Variants in SNTG1 observed in about 807,000 individuals in gnomAD.
SNTG1 encodes the protein gamma-1-syntrophin.
SNTG1 carries 39 observed loss-of-function variants against 74.7 expected under a neutral mutation model. The observed-to-expected ratio is 0.52, with a 90% CI of 0.40 to 0.68. The LOEUF (loss-of-function observed/expected upper bound fraction) is 0.68. SNTG1 is among the 30% of genes least tolerant of loss of function. The pLI is 0.00. For synonymous variants in SNTG1, 254 were observed against 217.1 expected (o/e 1.17, Z -1.49); for missense variants, 685 against 609.5 (o/e 1.12, Z -1.30).
intron 1 of SNTG1, among the ~76,000 whole-genome samples, chr8:49,946,996 CAA>C: frequency 6.6e-6 from 1 of 152,222 alleles, no homozygotes; most frequent in African/African-American, 2.4e-5. Flanking sequence ...GAGGTATAAA[CAA>C]GAGTAAAAAG....
chr8:49,986,077 G>A (rs1187678200), intron 1 of SNTG1, among the ~76,000 whole-genome samples: 7 of 152,132 alleles, frequency 4.6e-5, no homozygotes. Context: ...TTTAGTATTA[G>A]TTCTATTATA....
chr8:50,702,615 C>T (rs1396378), intron 15 of SNTG1, among the ~76,000 whole-genome samples: 67 of 152,308 alleles, frequency 4.4e-4, no homozygotes, highest in African/African-American at 1.5e-3. Context: ...CAGTGATTAA[C>T]CCTTTGACAA....
At position 50,312,685 on chromosome 8, in the gene SNTG1, C is replaced by T. The variant is rs1345754185; in HGVS notation, c.-27-81527C>T. Among the ~76,000 whole-genome samples, 2 of 149,904 alleles carry T rather than the reference C, an allele frequency of 1.3e-5. 1 individual carries two copies. The highest frequency in any genetic ancestry group is 1.3e-4 in the Admixed American group (2 of 14,826). ...CCACCTCATACCCATTACTAAACTTCCACATGGCAAAATATGTTCATCTCT... is the reference window on the plus strand; with the variant it reads ...CCACCTCATACCCATTACTAAACTTTCACATGGCAAAATATGTTCATCTCT... On this transcript the variant is annotated intron_variant, in intron 2 of 18. Coordinates refer to ENST00000642720, the MANE Select transcript of SNTG1 (RefSeq NM_018967.5).
chr8:50,030,200 G>A (rs1465504154), intron 1 of SNTG1, among the ~76,000 whole-genome samples: 1 of 151,908 alleles, frequency 6.6e-6, no homozygotes, highest in African/African-American at 2.4e-5. Flanking sequence ...TGGATTATTT[G>A]ATTTTTTTGT....
At chr8:50,731,793 G>C (rs1213083481) in intron 17 of SNTG1, among the ~76,000 whole-genome samples, 2 of 152,034 alleles carry the variant, frequency 1.3e-5, no homozygotes, top group African/African-American at 2.4e-5. Flanking sequence ...CAAAATATTG[G>C]TAAAAGAAAT....
chr8:50,609,273 G>T (rs762629544), intron 13 of SNTG1, among the ~76,000 whole-genome samples: 1 of 151,968 alleles, frequency 6.6e-6, no homozygotes, highest in African/African-American at 2.4e-5. Flanking sequence ...ATCTGGTAAA[G>T]TATTTTGTTG....
chr8:50,260,747 T>A (rs1347421846), intron 2 of SNTG1, among the ~76,000 whole-genome samples: 5 of 140,500 alleles, frequency 3.6e-5, no homozygotes, highest in Non-Finnish European at 4.6e-5. Flanking sequence ...ATAGCAATTC[T>A]AAAAAAAAAA....
At chr8:50,090,913 G>A (rs1159286046) in intron 1 of SNTG1, among the ~76,000 whole-genome samples, 2 of 152,082 alleles carry the variant, frequency 1.3e-5, no homozygotes, top group Admixed American at 6.6e-5. Context: ...TGGGGCCCTT[G>A]TTAAAATTAT....
At chr8:50,789,423 A>G (rs2095685075) in intron 18 of SNTG1, among the ~76,000 whole-genome samples, 1 of 151,936 alleles carries the variant, frequency 6.6e-6, no homozygotes, top group Admixed American at 6.6e-5. Context: ...TGATCTTCTC[A>G]TCCAGACCAC....
chr8:50,761,955 A>G (rs1585730722), intron 18 of SNTG1, among the ~76,000 whole-genome samples: 1 of 152,142 alleles, frequency 6.6e-6, no homozygotes, highest in Non-Finnish European at 1.5e-5. Context: ...AATAAGTAAA[A>G]GGAACCATTT....
intron 1 of SNTG1, among the ~76,000 whole-genome samples, chr8:50,128,729 C>G (rs1437196016): frequency 6.6e-6 from 1 of 151,862 alleles, no homozygotes; most frequent in African/African-American, 2.4e-5. Context: ...AAGTTCTTAC[C>G]CCAATTCTCA....
At chr8:49,953,191 G>C (rs1175103384) in intron 1 of SNTG1, among the ~76,000 whole-genome samples, 1 of 152,178 alleles carries the variant, frequency 6.6e-6, no homozygotes, top group East Asian at 1.9e-4. Flanking sequence ...ACAAAGTAAG[G>C]AGAAACCAGC....
In SNTG1 at chr8:50,462,005, T is replaced by C. The variant is rs184335974; in HGVS notation, c.363+11276T>C. 9.3e-4 allele frequency among the ~76,000 whole-genome samples: 142 copies of C among 152,178 alleles called. 3 individuals are homozygous for C. In the South Asian group the frequency reaches 0.011, roughly 12 times the overall value. ...TACCTTGGTGATACTGTGGGGTTGG[T>C]TCTAGACACTGCAGTAAAAGACCAC... On this transcript the variant is annotated intron_variant, in intron 8 of 18. Transcript: ENST00000642720.
intron 5 of SNTG1, among the ~76,000 whole-genome samples, chr8:50,449,098 C>A (rs895147056): frequency 5.3e-5 from 8 of 152,070 alleles, no homozygotes; most frequent in Non-Finnish European, 1.0e-4. Context: ...ATATTCTTGG[C>A]AGTATGTTTT....
chr8:50,087,387 C>CT (rs1397291949), intron 1 of SNTG1, among the ~76,000 whole-genome samples: 1 of 152,132 alleles, frequency 6.6e-6, no homozygotes, highest in Admixed American at 6.6e-5. Context: ...AGCTGAAACT[C>CT]TTAGTCATGT....
intron 2 of SNTG1, among the ~76,000 whole-genome samples, chr8:50,346,304 G>T (rs1374406664): frequency 6.6e-6 from 1 of 152,118 alleles, no homozygotes; most frequent in Non-Finnish European, 1.5e-5. Flanking sequence ...CTGTTATGGG[G>T]ATCTGGAATC....
At chr8:50,518,400 G>C (rs1231431769) in intron 9 of SNTG1, among the ~76,000 whole-genome samples, 3 of 152,114 alleles carry the variant, frequency 2.0e-5, no homozygotes, top group African/African-American at 7.2e-5. Context: ...AAAAGAGCTA[G>C]AGAAGCAAGA....
chr8:49,943,629 T>A (rs1308949198), intron 1 of SNTG1, among the ~76,000 whole-genome samples: 1 of 152,256 alleles, frequency 6.6e-6, no homozygotes, highest in East Asian at 1.9e-4. Flanking sequence ...TCCTTGCCCT[T>A]CTGGCCCTAT....
At chr8:50,725,137 A>G (rs1373527879) in intron 17 of SNTG1, among the ~76,000 whole-genome samples, 1 of 152,178 alleles carries the variant, frequency 6.6e-6, no homozygotes, top group Non-Finnish European at 1.5e-5. Context: ...ATGATTTGTA[A>G]ATATACCTTC....
Sources: gnomAD v4.1 joint callset for allele counts (sites outside exome capture counted in the v4.1 genomes callset) on GRCh38, gnomAD v4.1.1 for gene constraint, MANE v1.5 for transcripts, NCBI Gene and HGNC (gene_info 2026-07-23, HGNC 2026-07-21) for gene names.